The following TIAM2 variants were observed in gnomAD, a reference collection of about 807,000 sequenced individuals.
TIAM2 encodes the protein TIAM Rac1 associated GEF 2, also known as rho guanine nucleotide exchange factor TIAM2.
TIAM2 carries 80 observed loss-of-function variants against 152.9 expected under a neutral mutation model. That is an observed-to-expected ratio of 0.52 (90% confidence interval 0.44 to 0.63). The LOEUF (loss-of-function observed/expected upper bound fraction) is 0.63, where lower values mean the gene tolerates loss of function less well. TIAM2 is among the 30% of genes least tolerant of loss of function. The pLI is 0.00. For synonymous variants in TIAM2, 804 were observed against 838.0 expected (o/e 0.96, Z 0.70); for missense variants, 1,965 against 2,120.1 (o/e 0.93, Z 1.44).
At chr6:155,067,964 G>A (rs957825982) in intron 1 of TIAM2, among the ~76,000 whole-genome samples, 4 of 151,970 alleles carry the variant, frequency 2.6e-5, no homozygotes, top group Non-Finnish European at 4.4e-5. Context: ...TTTAATTTAC[G>A]TTTTTCTTTT....
chr6:155,242,688 A>G (rs1272220691), intron 16 of TIAM2, among the ~76,000 whole-genome samples: 1 of 152,208 alleles, frequency 6.6e-6, no homozygotes, highest in African/African-American at 2.4e-5. Flanking sequence ...AGAATAAAAG[A>G]GAAATCTTTT....
intron 1 of TIAM2, among the ~76,000 whole-genome samples, chr6:155,083,364 A>AG (rs1209857358): frequency 6.0e-5 from 9 of 150,904 alleles, no homozygotes; most frequent in African/African-American, 2.2e-4. Flanking sequence ...AAAAAAAAAA[A>AG]AAAAGAGAGA....
At chr6:155,110,372 G>A (rs1451634783) in intron 2 of TIAM2, among the ~76,000 whole-genome samples, 1 of 122,822 alleles carries the variant, frequency 8.1e-6, no homozygotes, top group Non-Finnish European at 1.6e-5. Context: ...TTTACCAAAC[G>A]TGTTTGGTAA....
At chr6:155,004,943 G>T (rs1778375068) in intron 1 of TIAM2, 3 of 211,664 alleles carry the variant, frequency 1.4e-5, no homozygotes, top group Admixed American at 1.1e-4. Flanking sequence ...GCCAGAGTTT[G>T]CAGTGAGTCC....
At chr6:155,159,517 T>A (rs555349372) in intron 7 of TIAM2, among the ~76,000 whole-genome samples, 1 of 152,300 alleles carries the variant, frequency 6.6e-6, no homozygotes, top group African/African-American at 2.4e-5. Context: ...ATTGCTTCTC[T>A]TCTGGACTTA....
At chr6:155,012,160 CT>C (rs1340555351) in intron 1 of TIAM2, among the ~76,000 whole-genome samples, 1 of 152,084 alleles carries the variant, frequency 6.6e-6, no homozygotes, top group Non-Finnish European at 1.5e-5. Flanking sequence ...TTCATCTTTC[CT>C]TATGGCCAGT....
intron 2 of TIAM2, among the ~76,000 whole-genome samples, chr6:155,119,454 C>G (rs1779101510): frequency 6.6e-6 from 1 of 151,936 alleles, no homozygotes; most frequent in Non-Finnish European, 1.5e-5. Context: ...ATTCTCATGC[C>G]TCAGCCTCTC....
At chr6:155,136,519 C>T (rs576581341) in intron 4 of TIAM2, among the ~76,000 whole-genome samples, 158 of 152,168 alleles carry the variant, frequency 1.0e-3, no homozygotes, top group African/African-American at 3.8e-3. Context: ...GGTGATCCAC[C>T]TGCCTCGGCC....
At chr6:155,184,025 G>T (rs1397025911) in intron 14 of TIAM2, among the ~76,000 whole-genome samples, 1 of 151,854 alleles carries the variant, frequency 6.6e-6, no homozygotes, top group Non-Finnish European at 1.5e-5. Context: ...GTCTCACTCT[G>T]TCACCCAGGC....
chr6:155,241,572 C>T (rs890252985), intron 16 of TIAM2, among the ~76,000 whole-genome samples: 2 of 152,162 alleles, frequency 1.3e-5, no homozygotes. Context: ...ACACGTGCGG[C>T]TATTACCTTG....
intron 2 of TIAM2, among the ~76,000 whole-genome samples, chr6:155,091,314 A>G (rs923815553): frequency 2.6e-5 from 4 of 152,158 alleles, no homozygotes; most frequent in Non-Finnish European, 5.9e-5. Flanking sequence ...CGCCTTCCTT[A>G]GAGCAGAAGC....
chr6:155,111,707 G>GC (rs1379359072), intron 2 of TIAM2, among the ~76,000 whole-genome samples: 75 of 152,094 alleles, frequency 4.9e-4, no homozygotes, highest in African/African-American at 1.8e-3. Context: ...TTTAGGAATG[G>GC]CCCCTCTCTC....
intron 1 of TIAM2, among the ~76,000 whole-genome samples, chr6:155,045,750 G>A (rs957007942): frequency 1.3e-5 from 2 of 151,888 alleles, no homozygotes; most frequent in Non-Finnish European, 2.9e-5. Context: ...TTACCCCTGT[G>A]GGGAGCCGCC....
chr6:155,144,874 ATACTT>A lies in TIAM2; in HGVS notation c.1803+97_1803+101del, dbSNP rs537620042. On this transcript the variant is annotated intron_variant, in intron 6 of 26. Transcript: ENST00000682666. ...AAAACTTGGAAATGAAATTGAATAA[ATACTT>A]AGTTAGGCTTTGGATTTGGCCTTAA... The A allele has an allele frequency of 4.0e-5, 55 of 1,377,014 alleles. No individual in the cohort carries two copies. In the African/African-American group the frequency reaches 7.2e-4, roughly 18 times the overall value. The allele number at this position is 1,377,014 out of a possible 1,614,324, so 85.3% of individuals were successfully genotyped here.
chr6:155,245,110 C>T (rs896084498), intron 18 of TIAM2, among the ~76,000 whole-genome samples: 1 of 152,180 alleles, frequency 6.6e-6, no homozygotes, highest in African/African-American at 2.4e-5. Flanking sequence ...TACCCTGTGC[C>T]CAATCCTTCT....
intron 14 of TIAM2, among the ~76,000 whole-genome samples, chr6:155,200,164 T>G (rs1194327483): frequency 6.6e-6 from 1 of 152,246 alleles, no homozygotes; most frequent in Non-Finnish European, 1.5e-5. Context: ...CTGATAGTCC[T>G]TGTCTTCTCA....
chr6:155,188,892 T>C (rs1480361018), intron 14 of TIAM2, among the ~76,000 whole-genome samples: 2 of 152,334 alleles, frequency 1.3e-5, no homozygotes, highest in South Asian at 4.1e-4. Context: ...AAAAGACCTA[T>C]GTTCCTCCTT....
intron 4 of TIAM2, among the ~76,000 whole-genome samples, chr6:155,136,063 G>A (rs974225357): frequency 3.3e-5 from 5 of 150,922 alleles, no homozygotes; most frequent in Non-Finnish European, 7.4e-5. Flanking sequence ...GTGTGGTGGC[G>A]CATGCCTGTA....
At chr6:155,107,611 AG>A (rs1778727429) in intron 2 of TIAM2, among the ~76,000 whole-genome samples, 1 of 152,182 alleles carries the variant, frequency 6.6e-6, no homozygotes, top group Non-Finnish European at 1.5e-5. Context: ...TCATCTCATC[AG>A]GGCTTAATTT....
Sources: allele counts gnomAD v4.1 joint callset (sites outside exome capture counted in the v4.1 genomes callset), GRCh38; gene constraint gnomAD v4.1.1; transcripts MANE v1.5; gene names NCBI Gene and HGNC (gene_info 2026-07-23, HGNC 2026-07-21).